SPAG16: variants seen among roughly 807,000 people sequenced by gnomAD.
SPAG16 encodes the protein sperm associated antigen 16.
A neutral mutation model predicts 80.4 loss-of-function variants in SPAG16; 86 were observed. The observed-to-expected ratio is 1.07, with a 90% CI of 0.90 to 1.28. The LOEUF (loss-of-function observed/expected upper bound fraction) is 1.28, where lower values mean the gene tolerates loss of function less well. Ranked by LOEUF, SPAG16 falls within the 50% of genes most tolerant of loss-of-function variation. SPAG16 has a pLI of 0.00. For synonymous variants in SPAG16, 294 were observed against 265.9 expected (o/e 1.11, Z -1.03); for missense variants, 870 against 765.3 (o/e 1.14, Z -1.61).
intron 13 of SPAG16, among the ~76,000 whole-genome samples, chr2:214,105,157 G>A (rs969640503): frequency 7.9e-5 from 12 of 152,082 alleles, no homozygotes; most frequent in South Asian, 2.1e-4. Flanking sequence ...CCTGGCATAG[G>A]GCGGGGCAGA....
chr2:213,920,108 G>A (rs182467974), intron 11 of SPAG16, among the ~76,000 whole-genome samples: 2 of 151,408 alleles, frequency 1.3e-5, no homozygotes, highest in Admixed American at 1.3e-4. Flanking sequence ...AGTAACCCCT[G>A]CTTTTCTCTG....
chr2:214,035,355 C>T lies in SPAG16; in HGVS notation c.1527+21278C>T, dbSNP rs902871230. 3.3e-5 allele frequency among the ~76,000 whole-genome samples: 5 copies of T among 152,198 alleles called. 1 individual carries two copies. The highest frequency in any genetic ancestry group is 5.9e-5 in the Non-Finnish European group (4 of 68,036). On this transcript the variant is annotated intron_variant, in intron 13 of 15. Coordinates refer to ENST00000331683, the MANE Select transcript of SPAG16 (RefSeq NM_024532.5). ...CTTCACCAGGGACCTGCCCCTTATG[C>T]CCAGGAGCCTGTCTGCTTTCTGCTG...
chr2:213,377,935 C>T (rs1276153504), intron 9 of SPAG16, among the ~76,000 whole-genome samples: 3 of 146,490 alleles, frequency 2.0e-5, no homozygotes, highest in Non-Finnish European at 3.0e-5. Flanking sequence ...AAGGATAGAA[C>T]TAATAAGATA....
Position 213,682,072 on chromosome 2 carries a change from T to G in SPAG16, c.1071-180413T>G, listed in dbSNP as rs190349259. 1.0e-3 allele frequency among the ~76,000 whole-genome samples: 153 copies of G among 152,266 alleles called. 1 individual carries two copies. Among genetic ancestry groups the G allele is most frequent in the Admixed American group, 1.7e-3 (26 of 15,296 alleles). On this transcript the variant is annotated intron_variant, in intron 10 of 15. Coordinates refer to ENST00000331683, the MANE Select transcript of SPAG16 (RefSeq NM_024532.5). ...CTGTACCCAGCCCAACCAATCCTAA[T>G]GAAACACCAGTTTCAAATAGGCTTA...
intron 10 of SPAG16, among the ~76,000 whole-genome samples, chr2:213,705,232 A>G (rs1286804564): frequency 6.6e-6 from 1 of 151,912 alleles, no homozygotes; most frequent in African/African-American, 2.4e-5. Context: ...TGGGCAACAG[A>G]GCAAGACTCT....
At chr2:213,797,511 A>G (rs578262314) in intron 10 of SPAG16, among the ~76,000 whole-genome samples, 3 of 151,948 alleles carry the variant, frequency 2.0e-5, no homozygotes, top group Non-Finnish European at 4.4e-5. Flanking sequence ...TATACAAGAC[A>G]ATAACATATT....
At chr2:214,257,580 T>C (rs1417156101) in intron 15 of SPAG16, among the ~76,000 whole-genome samples, 1 of 152,128 alleles carries the variant, frequency 6.6e-6, no homozygotes, top group African/African-American at 2.4e-5. Context: ...TCAACATTCA[T>C]TGAAATGACC....
At chr2:213,524,210 G>T (rs1250595453) in intron 10 of SPAG16, among the ~76,000 whole-genome samples, 1 of 152,224 alleles carries the variant, frequency 6.6e-6, no homozygotes, top group Non-Finnish European at 1.5e-5. Context: ...TCAAGCCCAA[G>T]CCTTGGCAGC....
chr2:213,529,848 T>G (rs958492654), intron 10 of SPAG16, among the ~76,000 whole-genome samples: 7 of 152,240 alleles, frequency 4.6e-5, no homozygotes, highest in African/African-American at 1.4e-4. Context: ...TCCTTATTCT[T>G]TAGACATTTT....
At chr2:214,282,029 A>T (rs1692982597) in intron 15 of SPAG16, among the ~76,000 whole-genome samples, 1 of 152,216 alleles carries the variant, frequency 6.6e-6, no homozygotes, top group Non-Finnish European at 1.5e-5. Flanking sequence ...ATCTCTCATT[A>T]TAAAGGAGAA....
At chr2:214,054,333 T>G (rs1454850224) in intron 13 of SPAG16, among the ~76,000 whole-genome samples, 2 of 152,222 alleles carry the variant, frequency 1.3e-5, no homozygotes, top group Non-Finnish European at 1.5e-5. Context: ...TTTAAAATTC[T>G]AAAACCCTAT....
intron 9 of SPAG16, among the ~76,000 whole-genome samples, chr2:213,388,417 C>T (rs1318981002): frequency 6.6e-6 from 1 of 152,108 alleles, no homozygotes; most frequent in African/African-American, 2.4e-5. Flanking sequence ...GGGAGCCAAA[C>T]ATTAAAGTCT....
chr2:213,882,748 T>A lies in SPAG16; in HGVS notation c.1214+20120T>A, dbSNP rs1056151745. On this transcript the variant is annotated intron_variant, in intron 11 of 15. Coordinates refer to ENST00000331683, the MANE Select transcript of SPAG16 (RefSeq NM_024532.5). Reference sequence around the variant, plus strand: ...CTAATTTTTTCAAAGAACAAACTTTTGGTTTCATTGGTCTTTTGTTTGCAT... The same window carrying A: ...CTAATTTTTTCAAAGAACAAACTTTAGGTTTCATTGGTCTTTTGTTTGCAT... Among the ~76,000 whole-genome samples the A allele has an allele frequency of 4.1e-4, 62 of 152,316 alleles. 1 individual carries two copies. The highest frequency in any genetic ancestry group is 1.4e-3 in the African/African-American group (60 of 41,580).
chr2:214,189,885 T>A (rs2057602206), intron 15 of SPAG16, among the ~76,000 whole-genome samples: 1 of 151,948 alleles, frequency 6.6e-6, no homozygotes, highest in Non-Finnish European at 1.5e-5. Flanking sequence ...TTATCAACAA[T>A]CCCCTTTAAC....
At chr2:213,309,280 A>G (rs962300926) in intron 3 of SPAG16, among the ~76,000 whole-genome samples, 4 of 152,098 alleles carry the variant, frequency 2.6e-5, no homozygotes, top group South Asian at 4.1e-4. Flanking sequence ...ACAAATGGGC[A>G]TGGGCATGCT....
intron 12 of SPAG16, among the ~76,000 whole-genome samples, chr2:214,002,332 T>A (rs574075063): frequency 6.6e-6 from 1 of 151,966 alleles, no homozygotes; most frequent in East Asian, 1.9e-4. Context: ...ATGGGCTGGA[T>A]TAAAAATAAA....
intron 15 of SPAG16, among the ~76,000 whole-genome samples, chr2:214,166,890 G>A (rs2056677538): frequency 6.6e-6 from 1 of 152,132 alleles, no homozygotes; most frequent in Non-Finnish European, 1.5e-5. Context: ...AATAATGCTA[G>A]TATGAAACCA....
chr2:214,055,042 G>A (rs182071363), intron 13 of SPAG16, among the ~76,000 whole-genome samples: 141 of 152,178 alleles, frequency 9.3e-4, no homozygotes, highest in African/African-American at 2.9e-3. Context: ...CAGCATATAA[G>A]GGAAACTTAA....
intron 12 of SPAG16, among the ~76,000 whole-genome samples, chr2:213,951,019 G>GT (rs200070959): frequency 0.076 from 11,093 of 145,964 alleles, 624 homozygotes; most frequent in African/African-American, 0.16. Flanking sequence ...GCCTGACATA[G>GT]TTTTTTTTTT....
Sources: gnomAD v4.1 joint callset for allele counts (sites outside exome capture counted in the v4.1 genomes callset) on GRCh38, gnomAD v4.1.1 for gene constraint, MANE v1.5 for transcripts, NCBI Gene and HGNC (gene_info 2026-07-23, HGNC 2026-07-21) for gene names.